RYR3: variants seen among roughly 807,000 people sequenced by gnomAD.
RYR3 encodes ryanodine receptor 3, also known as brain ryanodine receptor-calcium release channel.
In RYR3, 207 loss-of-function variants were observed where a neutral mutation model predicts 584.3. The observed-to-expected ratio is 0.35, with a 90% confidence interval of 0.32 to 0.40. The LOEUF is 0.40. Among genes scored for constraint, RYR3 ranks in the 10% least tolerant of loss-of-function variants. The pLI is 1.00. For missense variants in RYR3, 5,616 were observed against 6,089.2 expected (o/e 0.92, Z 2.59); for synonymous variants, 2,416 against 2,248.5 (o/e 1.07, Z -2.11).
At chr15:33,849,379 C>G (rs969768215) in intron 94 of RYR3, 4 of 152,274 alleles carry the variant, frequency 2.6e-5, no homozygotes, top group African/African-American at 7.2e-5. Context: ...ACAAGGTAAT[C>G]AAGCCTTCTC....
chr15:33,734,883 G>A (rs959534447), intron 48 of RYR3, among the ~76,000 whole-genome samples: 2 of 151,778 alleles, frequency 1.3e-5, no homozygotes, highest in Non-Finnish European at 2.9e-5. Context: ...TAGAAAAAGG[G>A]CTTCACCATG....
intron 12 of RYR3, 150 bp downstream of exon 12, chr15:33,566,949 C>T (rs2057749308): frequency 7.5e-6 from 7 of 928,554 alleles, no homozygotes; most frequent in Admixed American, 2.1e-5. Context: ...GAGACTGAAA[C>T]ATATTTCCTA....
chr15:33,548,398 T>C (rs1032667538), intron 9 of RYR3, among the ~76,000 whole-genome samples, 194 bp downstream of exon 9: 7 of 152,212 alleles, frequency 4.6e-5, no homozygotes, highest in Non-Finnish European at 7.3e-5. Flanking sequence ...GCCACTGTGT[T>C]GACTCTGAGG....
intron 1 of RYR3, among the ~76,000 whole-genome samples, chr15:33,387,964 A>T (rs1196750622): frequency 2.6e-5 from 4 of 151,312 alleles, no homozygotes; most frequent in African/African-American, 4.8e-5. Context: ...TATAAAAAAA[A>T]TTTTAATTTC....
intron 16 of RYR3, among the ~76,000 whole-genome samples, chr15:33,586,893 G>A (rs1285498222): frequency 6.6e-6 from 1 of 152,062 alleles, no homozygotes; most frequent in Non-Finnish European, 1.5e-5. Context: ...GGCCAGACGC[G>A]ATATTCAACG....
intron 58 of RYR3, 34 bp from the exon 59 acceptor site, chr15:33,756,272 T>C: frequency 6.7e-7 from 1 of 1,498,874 alleles, no homozygotes; most frequent in Non-Finnish European, 9.1e-7. Context: ...ACTTCGTAAC[T>C]CTGGCCAACT....
chr15:33,617,189 C>T (rs549303251), intron 19 of RYR3, among the ~76,000 whole-genome samples: 13 of 151,926 alleles, frequency 8.6e-5, no homozygotes, highest in East Asian at 5.8e-4. Flanking sequence ...CTGAGGCGGG[C>T]GGATCATGAG....
rs567577692 is a variant in RYR3 at position 33,847,810 on chromosome 15, T to A, written c.13498-481T>A. On this transcript the variant is annotated intron_variant, in intron 93 of 103. Transcript: ENST00000634891. Reference sequence around the variant, plus strand: ...TCTTCTCATTCTAACTATGAGACCATGTTTCATTAACTGACCTTCAACGCC... The same window carrying A: ...TCTTCTCATTCTAACTATGAGACCAAGTTTCATTAACTGACCTTCAACGCC... 4.6e-5 allele frequency among the ~76,000 whole-genome samples: 7 copies of A among 152,330 alleles called. No homozygotes were observed. The South Asian group carries it at 1.5e-3, about 32-fold the overall frequency.
intron 67 of RYR3, among the ~76,000 whole-genome samples, chr15:33,789,711 G>A (rs12904157): frequency 0.61 from 54,533 of 89,692 alleles, 17,418 homozygotes; most frequent in East Asian, 0.96. Flanking sequence ...GTCTCACTTC[G>A]TCACCCAGGC....
At chr15:33,719,027 G>C (rs890583078) in intron 43 of RYR3, among the ~76,000 whole-genome samples, 3 of 152,208 alleles carry the variant, frequency 2.0e-5, no homozygotes, top group Non-Finnish European at 4.4e-5. Context: ...AGTGAAGCTT[G>C]CTGAGCTACA....
intron 1 of RYR3, among the ~76,000 whole-genome samples, chr15:33,351,088 A>C (rs1173548899): frequency 3.3e-5 from 5 of 152,232 alleles, no homozygotes; most frequent in African/African-American, 1.2e-4. Flanking sequence ...CTCACCACCG[A>C]TCCCACAGAA....
chr15:33,508,676 A>G (rs2052694965), intron 3 of RYR3, among the ~76,000 whole-genome samples: 1 of 152,108 alleles, frequency 6.6e-6, no homozygotes, highest in African/African-American at 2.4e-5. Context: ...AAAAACCTTG[A>G]TTGGGAAATG....
intron 94 of RYR3, chr15:33,852,629 A>T (rs1489617241): frequency 6.0e-6 from 1 of 165,370 alleles, no homozygotes; most frequent in African/African-American, 2.4e-5. Flanking sequence ...CACATCCCGC[A>T]TCGCCATTAT....
chr15:33,644,509 C>T lies in RYR3; in HGVS notation c.3755C>T (p.Pro1252Leu), dbSNP rs2061991996. The change falls in exon 28 of 104, where the codon CCA becomes CTA. Residue 1252 changes from proline to leucine, a missense_variant. Transcript: ENST00000634891. ...TTTGTCAACGTGCCAAAGGATCATCCACACATAGAGGTAATGTTACACAAT... is the reference window on the plus strand; with the variant it reads ...TTTGTCAACGTGCCAAAGGATCATCTACACATAGAGGTAATGTTACACAAT... The part of the protein sequence containing the change: ...PTFVNVPKDH[P>L]HIEVMRIDGT... The T allele has an allele frequency of 6.2e-7, 1 of 1,612,866 alleles. No homozygotes were observed. The highest frequency in any genetic ancestry group is 8.5e-7 in the Non-Finnish European group (1 of 1,179,114).
chr15:33,579,746 G>A (rs1394906147), intron 12 of RYR3, among the ~76,000 whole-genome samples: 1 of 152,128 alleles, frequency 6.6e-6, no homozygotes, highest in Non-Finnish European at 1.5e-5. Flanking sequence ...TGTGCTAAAA[G>A]GAGTCACTTC....
intron 3 of RYR3, among the ~76,000 whole-genome samples, chr15:33,526,025 G>C (rs2054356439): frequency 6.6e-6 from 1 of 152,178 alleles, no homozygotes; most frequent in South Asian, 2.1e-4. Context: ...GCCTTCCTGA[G>C]GCCTTGGAAG....
In RYR3 at chr15:33,629,720, T is replaced by C. The variant is rs1260190326; in HGVS notation, c.2680-220T>C. On this transcript the variant is annotated intron_variant, in intron 21 of 103. Transcript: ENST00000634891. ...AGTATGTTCAAAATGCAGATGCCTG[T>C]CTAGAAATAAATCCACGGAGCACAA... 5.3e-5 allele frequency among the ~76,000 whole-genome samples: 8 copies of C among 152,208 alleles called. No homozygotes were observed. The East Asian group carries it at 1.5e-3, about 29-fold the overall frequency.
chr15:33,663,253 G>A (rs1419436605), intron 35 of RYR3, among the ~76,000 whole-genome samples: 3 of 152,214 alleles, frequency 2.0e-5, no homozygotes, highest in African/African-American at 4.8e-5. Context: ...AAGGGAGGCA[G>A]CATTCACGTG....
intron 1 of RYR3, among the ~76,000 whole-genome samples, chr15:33,344,098 A>G (rs1259717244): frequency 6.6e-6 from 1 of 152,256 alleles, no homozygotes; most frequent in Non-Finnish European, 1.5e-5. Flanking sequence ...TGCTTTTTAC[A>G]AAGCAGTATT....
Sources: gnomAD v4.1 joint callset for allele counts (sites outside exome capture counted in the v4.1 genomes callset) on GRCh38, gnomAD v4.1.1 for gene constraint, MANE v1.5 for transcripts, NCBI Gene and HGNC (gene_info 2026-07-23, HGNC 2026-07-21) for gene names.